NAGA: variants seen among roughly 807,000 people sequenced by gnomAD.
NAGA encodes the protein Acetylgalactosaminidase, alpha-N- (alpha-galactosidase B).
Under a neutral mutation model 45.6 loss-of-function variants are expected in NAGA, and 42 were observed. That is an observed-to-expected ratio of 0.92 (90% CI 0.72 to 1.19). The LOEUF (loss-of-function observed/expected upper bound fraction) is 1.19. Ranked by LOEUF, NAGA falls within the 50% of genes most tolerant of loss-of-function variation. NAGA has a pLI of 0.00. For synonymous variants in NAGA, 176 were observed against 203.1 expected (o/e 0.87, Z 1.13); for missense variants, 493 against 544.8 (o/e 0.90, Z 0.95).
chr22:42,067,180 G>A lies in NAGA; in HGVS notation c.435C>T (p.Phe145=), dbSNP rs1438923916. ...LDKVVQDAQT[F]AEWKVDMLKL... ...TGAGCATGTCTACCTTCCACTCGGC[G>A]AAGGTCTGAGCATCCTGGACCACCT... is the stretch of plus-strand genomic sequence containing the variant. The change falls in exon 4 of 9, where the codon TTC becomes TTT. Residue 145 remains phenylalanine (F), a synonymous_variant. Transcript: ENST00000396398. The A allele has an allele frequency of 2.5e-5, 41 of 1,614,004 alleles. No homozygotes were observed. Among genetic ancestry groups the A allele is most frequent in the Non-Finnish European group, 3.3e-5 (39 of 1,179,996 alleles).
rs749921967 is a variant in NAGA, at chr22:42,068,547, AC to A, written c.43del (p.Val15CysfsTer2). On this transcript the variant is annotated frameshift_variant, in exon 2 of 9. Coordinates refer to ENST00000396398, the MANE Select transcript of NAGA (RefSeq NM_000262.3). LOFTEE classifies it high-confidence loss of function. ...CAGGAGCCCATTGTCCAGCATCAGC[AC>A]CTGGGCCACATGTCCCAGCAAGAGC... ...TVLLLGHVAQ[V>X]LMLDNGLLQT... 6.2e-7 allele frequency: 1 copy of A among 1,614,012 alleles called. No homozygotes were observed. Among genetic ancestry groups the A allele is most frequent in the African/African-American group, 1.3e-5 (1 of 74,914 alleles).
In NAGA at chr22:42,068,546, C is replaced by T. The variant is rs1221684989; in HGVS notation, c.45G>A (p.Val15=). Residue 15 remains valine (V), a synonymous_variant, in exon 2 of 9, where the codon GTG becomes GTA. Coordinates refer to ENST00000396398, the MANE Select transcript of NAGA (RefSeq NM_000262.3). The stretch of plus-strand genomic sequence containing the variant: ...GCAGGAGCCCATTGTCCAGCATCAG[C>T]ACCTGGGCCACATGTCCCAGCAAGA... ...TVLLLGHVAQ[V]LMLDNGLLQT... The T allele has an allele frequency of 6.2e-7, 1 of 1,614,168 alleles. No homozygotes were observed. The highest frequency in any genetic ancestry group is 8.5e-7 in the Non-Finnish European group (1 of 1,180,026).
At chr22:42,067,703 G>A (rs1025614071) in intron 3 of NAGA, 62 bp downstream of exon 3, 15 of 1,413,594 alleles carry the variant, frequency 1.1e-5, no homozygotes, top group Middle Eastern at 4.0e-4. Context: ...AGCCCTAAGC[G>A]AGGTAGGGTG....
rs1926268431 is a variant in NAGA at position 42,060,045 on chromosome 22, A to G, written c.*234T>C. ...CAGCAACGTCTGTGGGGCTGCGCAC[A>G]TGGAAGTAGAGGCCAGGAAGGCCAC... On this transcript the variant is annotated 3_prime_UTR_variant, in exon 9 of 9. Transcript: ENST00000396398. 1.8e-6 allele frequency: 1 copy of G among 548,986 alleles called. No homozygotes were observed. The highest frequency in any genetic ancestry group is 2.9e-5 in the Admixed American group (1 of 33,916). 34.0% of individuals were successfully genotyped at this position (548,986 alleles called of 1,614,324 possible).
At chr22:42,063,138 T>C (rs1926509620) in intron 6 of NAGA, 114 bp from the exon 7 acceptor site, 2 of 1,098,886 alleles carry the variant, frequency 1.8e-6, no homozygotes, top group Non-Finnish European at 2.7e-6. Context: ...GAAAGATGGC[T>C]GTATGTGGAG....
chr22:42,067,680 A>T, intron 3 of NAGA, 85 bp downstream of exon 3: 1 of 1,199,704 alleles, frequency 8.3e-7, no homozygotes, highest in Non-Finnish European at 1.2e-6. Context: ...GTGAGATCTC[A>T]ATCATGTAAG....
intron 7 of NAGA, among the ~76,000 whole-genome samples, chr22:42,062,522 C>T (rs1293647902): frequency 2.6e-5 from 4 of 152,204 alleles, no homozygotes; most frequent in African/African-American, 7.2e-5. Context: ...TCTCTGCAGG[C>T]CATCACGGGT....
intron 8 of NAGA, among the ~76,000 whole-genome samples, 180 bp downstream of exon 8, chr22:42,060,744 T>C (rs1251940387): frequency 1.3e-5 from 2 of 152,100 alleles, no homozygotes; most frequent in Non-Finnish European, 2.9e-5. Context: ...AGGTTGAAAA[T>C]ACTGGTGCAG....
chr22:42,064,631 C>G (rs1417426055), intron 6 of NAGA, among the ~76,000 whole-genome samples: 2 of 152,054 alleles, frequency 1.3e-5, no homozygotes, highest in African/African-American at 4.8e-5. Flanking sequence ...GGCGACAGAG[C>G]AAGACTCTGT....
Position 42,070,441 on chromosome 22 carries a change from C to A in NAGA, c.-144G>T, listed in dbSNP as rs1397020814. On this transcript the variant is annotated 5_prime_UTR_variant, in exon 1 of 9. Coordinates refer to ENST00000396398, the MANE Select transcript of NAGA (RefSeq NM_000262.3). ...TAGCTCGGCCGCCCTCAACCTTAGGCGTGGATCGTACACTCGGTCCCCAAG... is the reference window on the plus strand; with the variant it reads ...TAGCTCGGCCGCCCTCAACCTTAGGAGTGGATCGTACACTCGGTCCCCAAG... 6 of 927,326 alleles carry A rather than the reference C, an allele frequency of 6.5e-6. No individual in the cohort carries two copies. The highest frequency in any genetic ancestry group is 3.5e-5 in the Admixed American group (2 of 56,670). 57.4% of individuals were successfully genotyped at this position (927,326 alleles called of 1,614,324 possible).
chr22:42,060,335 CT>C lies in NAGA; in HGVS notation c.1179del (p.Val395Ter), dbSNP rs1695666106. ...GGATACAGGTACCACATCACTACCCCTGAAGGGTTGATGATCACTGTGAAGT... is the reference window on the plus strand; with the variant it reads ...GGATACAGGTACCACATCACTACCCCGAAGGGTTGATGATCACTGTGAAGT... ...ETNFTVIINP[S>X]GVVMWYLYPI... On this transcript the variant is annotated frameshift_variant, in exon 9 of 9. Transcript: ENST00000396398. LOFTEE classifies it high-confidence loss of function. 2 of 1,613,750 alleles carry C rather than the reference CT, an allele frequency of 1.2e-6. No homozygotes were observed. Among genetic ancestry groups the C allele is most frequent in the African/African-American group, 1.3e-5 (1 of 74,956 alleles).
At chr22:42,067,004 T>C in intron 4 of NAGA, 109 bp downstream of exon 4, 1 of 1,540,892 alleles carries the variant, frequency 6.5e-7, no homozygotes, top group Non-Finnish European at 8.9e-7. Context: ...ACAATCCCCC[T>C]AACCCCTGGG....
In NAGA at chr22:42,059,864, G is replaced by C; in HGVS notation, c.*415C>G. 1 of 247,496 alleles carries C rather than the reference G, an allele frequency of 4.0e-6. No individual in the cohort carries two copies. The highest frequency in any genetic ancestry group is 8.2e-6 in the Non-Finnish European group (1 of 121,714). The allele number at this position is 247,496 out of a possible 1,614,324, so 15.3% of individuals were successfully genotyped here. A position where few individuals can be genotyped will look rare whatever the true frequency, so the allele number is the denominator to read the frequency against. The stretch of plus-strand genomic sequence containing the variant: ...CAGGCTGCAAGGCCCTCTATGGGTA[G>C]AAAAGCCAATCACATGATCCATGGG... On this transcript the variant is annotated 3_prime_UTR_variant, in exon 9 of 9. Transcript: ENST00000396398.
chr22:42,070,246 C>A (rs1392589802), intron 1 of NAGA, 36 bp downstream of exon 1: 2 of 1,613,886 alleles, frequency 1.2e-6, no homozygotes, highest in African/African-American at 1.3e-5. Context: ...AGCACTCACC[C>A]CTACCCTTCC....
Position 42,059,171 on chromosome 22 carries a change from C to G in NAGA, c.*1108G>C, listed in dbSNP as rs1270831785. The G allele has an allele frequency of 6.6e-6, 1 of 152,306 alleles. No individual in the cohort carries two copies. The highest frequency in any genetic ancestry group is 1.5e-5 in the Non-Finnish European group (1 of 68,106). The allele number at this position is 152,306 out of a possible 1,614,324, so 9.4% of individuals were successfully genotyped here. Reference sequence around the variant, plus strand: ...GCTAGGTTGCTCTGCCACTAGCTCTCTCCAAAGGGGAGAGCCACCAGGGAA... The same window carrying G: ...GCTAGGTTGCTCTGCCACTAGCTCTGTCCAAAGGGGAGAGCCACCAGGGAA... On this transcript the variant is annotated 3_prime_UTR_variant, in exon 9 of 9. Transcript: ENST00000396398.
chr22:42,063,032 CAGAGA>C lies in NAGA; in HGVS notation c.760-13_760-9del. On this transcript the variant is annotated splice_polypyrimidine_tract_variant and intron_variant, in intron 6 of 8. Transcript: ENST00000396398. ...AAAGTTCCCAATGAGCAGCTGGGGG[CAGAGA>C]AGAGGAGTAGTCAGCTCTCATCTCC... 1 of 1,613,614 alleles carries C rather than the reference CAGAGA, an allele frequency of 6.2e-7. No individual in the cohort carries two copies. The highest frequency in any genetic ancestry group is 8.5e-7 in the Non-Finnish European group (1 of 1,179,830).
At chr22:42,061,131 C>T (rs1248019172) in intron 7 of NAGA, 64 bp from the exon 8 acceptor site, 13 of 1,579,792 alleles carry the variant, frequency 8.2e-6, no homozygotes, top group Middle Eastern at 1.8e-4. Flanking sequence ...CATTGCCTCC[C>T]TGGCCCTCCC....
chr22:42,063,085 C>G (rs1437849720), intron 6 of NAGA, 61 bp from the exon 7 acceptor site: 2 of 1,521,508 alleles, frequency 1.3e-6, no homozygotes, highest in African/African-American at 1.4e-5. Flanking sequence ...ACACAGGGAC[C>G]ATCCCCAAAC....
chr22:42,060,420 T>C lies in NAGA; in HGVS notation c.1102-7A>G, dbSNP rs371615628. The C allele has an allele frequency of 7.4e-6, 12 of 1,612,524 alleles. 1 individual carries two copies. The highest frequency in any genetic ancestry group is 5.5e-5 in the South Asian group (5 of 91,006). ...CTGAGTAGACGTCCTGGGCCTGCAG[T>C]GGGGAGGGACATCACCAATGCCACC... On this transcript the variant is annotated splice_region_variant and splice_polypyrimidine_tract_variant and intron_variant, in intron 8 of 8. Coordinates refer to ENST00000396398, the MANE Select transcript of NAGA (RefSeq NM_000262.3).
Sources: allele counts gnomAD v4.1 joint callset (sites outside exome capture counted in the v4.1 genomes callset), GRCh38; gene constraint gnomAD v4.1.1; transcripts MANE v1.5; gene names NCBI Gene and HGNC (gene_info 2026-07-23, HGNC 2026-07-21).